MYH11: variants seen among roughly 807,000 people sequenced by gnomAD.
The protein encoded by MYH11 is myosin-11.
In MYH11, 80 loss-of-function variants were observed where a neutral mutation model predicts 246.6. The observed-to-expected ratio is 0.32, with a 90% CI of 0.27 to 0.39. The LOEUF is 0.39. Ranked by LOEUF, MYH11 falls within the 10% of genes least tolerant of loss-of-function variation. The probability of loss-of-function intolerance (pLI) is 1.00; values close to 1 mark genes in which losing one functional copy is unlikely to be tolerated. For missense variants in MYH11, 2,158 were observed against 2,546.8 expected, an observed-to-expected ratio of 0.85 and a Z score of 3.29; for synonymous variants, 1,071 against 1,015.5, an observed-to-expected ratio of 1.05 and a Z score of -1.04.
At position 15,707,946 on chromosome 16, in the gene MYH11, C is replaced by T. The variant is rs1294352267; in HGVS notation, c.5787-3823G>A. ...AAGATTGCGCCATTGCACTCCAGAGCGAGACTCCGTCTCAAAAAAAAAAAA... is the reference window on the plus strand; with the variant it reads ...AAGATTGCGCCATTGCACTCCAGAGTGAGACTCCGTCTCAAAAAAAAAAAA... On this transcript the variant is annotated intron_variant, in intron 40 of 40. Coordinates refer to ENST00000300036, the MANE Select transcript of MYH11 (RefSeq NM_002474.3). Among the ~76,000 whole-genome samples the T allele has an allele frequency of 3.7e-4, 48 of 128,888 alleles. 2 individuals carry two copies. The highest frequency in any genetic ancestry group is 2.5e-4 in the South Asian group (1 of 4,008). 84.6% of individuals were successfully genotyped at this position (128,888 alleles called of 152,430 possible).
At chr16:15,722,914 TG>T in intron 31 of MYH11, among the ~76,000 whole-genome samples, 1 of 152,130 alleles carries the variant, frequency 6.6e-6, no homozygotes, top group South Asian at 2.1e-4. Context: ...CGGCTAATTT[TG>T]GTATTTTTAG....
intron 2 of MYH11, among the ~76,000 whole-genome samples, chr16:15,834,082 C>T (rs757335455): frequency 9.4e-4 from 141 of 150,722 alleles, no homozygotes; most frequent in Non-Finnish European, 1.6e-3. Flanking sequence ...CTTTTTTTTT[C>T]TGATTTCTAT....
intron 40 of MYH11, among the ~76,000 whole-genome samples, chr16:15,707,967 A>C (rs1187919778): frequency 6.6e-6 from 1 of 151,046 alleles, no homozygotes; most frequent in African/African-American, 2.5e-5. Flanking sequence ...CTCAAAAAAA[A>C]AAAAAAAAAA....
chr16:15,800,020 A>G (rs1053452309), intron 3 of MYH11, among the ~76,000 whole-genome samples: 1 of 144,164 alleles, frequency 6.9e-6, no homozygotes, highest in African/African-American at 2.5e-5. Flanking sequence ...GGGTAGGTAG[A>G]TGGATGGGTG....
rs886051759 is a variant in MYH11, at chr16:15,735,561, G to C, written c.3311C>G (p.Ala1104Gly). The change falls in exon 26 of 41, where the codon GCT (alanine) becomes GGT (glycine). Residue 1104 changes from alanine to glycine, a missense_variant. Ala to Gly is a moderately conservative substitution (Grantham distance 60). Coordinates refer to ENST00000300036, the MANE Select transcript of MYH11 (RefSeq NM_002474.3). Reference sequence around the variant, plus strand: ...CTTCTTCAGGGCATTGTTCTTCTGAGCGATTTCATCGTCAAGCCTTCCAGG... The same window carrying C: ...CTTCTTCAGGGCATTGTTCTTCTGACCGATTTCATCGTCAAGCCTTCCAGG... ...AALARLDDEI[A>G]QKNNALKKIR... is the part of the protein sequence containing the mutation. 5 of 1,614,072 alleles carry C rather than the reference G, an allele frequency of 3.1e-6. No individual in the cohort carries two copies. In the African/African-American group the frequency reaches 5.3e-5, roughly 17 times the overall value.
intron 9 of MYH11, among the ~76,000 whole-genome samples, chr16:15,767,519 A>T (rs1190930872): frequency 6.6e-6 from 1 of 151,920 alleles, no homozygotes; most frequent in East Asian, 1.9e-4. Flanking sequence ...CCGGGGTCTC[A>T]CTATATTGCC....
chr16:15,765,884 A>C (rs184098686), intron 9 of MYH11, among the ~76,000 whole-genome samples: 1 of 152,342 alleles, frequency 6.6e-6, no homozygotes, highest in East Asian at 1.9e-4. Flanking sequence ...TAAAAGTGTC[A>C]ATTTAAACTA....
intron 3 of MYH11, among the ~76,000 whole-genome samples, chr16:15,802,105 C>G (rs1386965512): frequency 6.6e-6 from 1 of 152,188 alleles, no homozygotes; most frequent in Non-Finnish European, 1.5e-5. Context: ...CCTCATCCCA[C>G]CAAAAATGGT....
intron 17 of MYH11, 33 bp from the exon 18 acceptor site, chr16:15,747,976 C>T: frequency 1.2e-6 from 2 of 1,614,174 alleles, no homozygotes; most frequent in Non-Finnish European, 1.7e-6. Context: ...ACCCCGGGTA[C>T]CTCCAGCATC....
At position 15,747,804 on chromosome 16, in the gene MYH11, G is replaced by A. The variant is rs1364550798; in HGVS notation, c.2250+70C>T. Reference sequence around the variant, plus strand: ...GGCCAGTGATGACATGGGTAAGAACGGTCCCACCAAGAGCAGCAGGTGGCT... The same window carrying A: ...GGCCAGTGATGACATGGGTAAGAACAGTCCCACCAAGAGCAGCAGGTGGCT... On this transcript the variant is annotated intron_variant, in intron 18 of 40. Coordinates refer to ENST00000300036, the MANE Select transcript of MYH11 (RefSeq NM_002474.3). The A allele has an allele frequency of 1.5e-5, 24 of 1,612,128 alleles. 1 individual carries two copies. Among genetic ancestry groups the A allele is most frequent in the East Asian group, 4.5e-5 (2 of 44,866 alleles).
chr16:15,727,227 T>C (rs1385441509), intron 27 of MYH11, among the ~76,000 whole-genome samples, 173 bp from the exon 28 acceptor site: 2 of 150,026 alleles, frequency 1.3e-5, no homozygotes, highest in Middle Eastern at 3.2e-3. Flanking sequence ...TGAGATGGAG[T>C]CTTAACTCTG....
At chr16:15,831,756 T>A (rs1175077143) in intron 2 of MYH11, among the ~76,000 whole-genome samples, 2 of 151,934 alleles carry the variant, frequency 1.3e-5, no homozygotes, top group Non-Finnish European at 2.9e-5. Context: ...CTGGCCAACA[T>A]GGTGAAACCA....
intron 24 of MYH11, among the ~76,000 whole-genome samples, chr16:15,738,318 CA>C (rs2041180437): frequency 6.6e-6 from 1 of 151,870 alleles, no homozygotes. Flanking sequence ...CTAGACTGAG[CA>C]TCATAGTGAA....
intron 40 of MYH11, among the ~76,000 whole-genome samples, chr16:15,706,658 CGTT>C (rs973633122): frequency 6.6e-6 from 1 of 151,294 alleles, no homozygotes; most frequent in African/African-American, 2.4e-5. Flanking sequence ...AGTGAGCCAA[CGTT>C]GTGCCACTGC....
At chr16:15,853,206 T>G (rs1039139618) in intron 1 of MYH11, among the ~76,000 whole-genome samples, 8 of 152,076 alleles carry the variant, frequency 5.3e-5, no homozygotes, top group Non-Finnish European at 1.5e-5. Context: ...AGAACAGTGA[T>G]GCAATCAGGG....
chr16:15,758,531 C>T (rs893559543), intron 12 of MYH11, among the ~76,000 whole-genome samples: 21 of 151,560 alleles, frequency 1.4e-4, no homozygotes, highest in African/African-American at 4.8e-4. Context: ...TGGCCAAGCA[C>T]AGTGGCTCAT....
chr16:15,704,188 T>C (rs2039329518), intron 40 of MYH11, 65 bp from the exon 41 acceptor site: 1 of 1,591,482 alleles, frequency 6.3e-7, no homozygotes, highest in Non-Finnish European at 8.6e-7. Flanking sequence ...AGATTTTTTA[T>C]AAATCTATTT....
At chr16:15,788,224 C>T (rs1246710500) in intron 4 of MYH11, among the ~76,000 whole-genome samples, 1 of 151,710 alleles carries the variant, frequency 6.6e-6, no homozygotes, top group Non-Finnish European at 1.5e-5. Flanking sequence ...GTGCCTTGAC[C>T]AAAACTTCAC....
At position 15,729,550 on chromosome 16, in the gene MYH11, A is replaced by AT. The variant is rs35507327; in HGVS notation, c.3652-2497dup. The stretch of plus-strand genomic sequence containing the variant: ...CTGGGGCCTCACTCTTCCAACCATA[A>AT]TTTTTTTTTTTTTTTTTTGAAACTG... On this transcript the variant is annotated intron_variant, in intron 27 of 40. Transcript: ENST00000300036. 9.5e-3 allele frequency among the ~76,000 whole-genome samples: 1,297 copies of AT among 136,980 alleles called. 10 individuals are homozygous for AT. Among genetic ancestry groups the AT allele is most frequent in the African/African-American group, 0.02 (740 of 37,182 alleles). The allele number at this position is 136,980 out of a possible 152,430, so 89.9% of individuals were successfully genotyped here. A position where few individuals can be genotyped will look rare whatever the true frequency, so the allele number is the denominator to read the frequency against.
Sources: allele counts gnomAD v4.1 joint callset (sites outside exome capture counted in the v4.1 genomes callset), GRCh38; gene constraint gnomAD v4.1.1; transcripts MANE v1.5; gene names NCBI Gene and HGNC (gene_info 2026-07-23, HGNC 2026-07-21).